The following PPIG variants were observed in gnomAD, a reference collection of about 807,000 sequenced individuals.
PPIG encodes the protein peptidyl-prolyl cis-trans isomerase G.
A neutral mutation model predicts 87.9 loss-of-function variants in PPIG; 26 were observed. The observed-to-expected ratio is 0.30, with a 90% confidence interval of 0.22 to 0.41. The LOEUF (loss-of-function observed/expected upper bound fraction) is 0.41. Ranked by LOEUF, PPIG falls within the 10% of genes least tolerant of loss-of-function variation. The pLI, the probability that PPIG is intolerant of heterozygous loss-of-function variation, is 1.00. For missense variants in PPIG, 722 were observed against 879.4 expected, an observed-to-expected ratio of 0.82 and a Z score of 2.26; for synonymous variants, 308 against 276.5, an observed-to-expected ratio of 1.11 and a Z score of -1.13.
intron 1 of PPIG, among the ~76,000 whole-genome samples, chr2:169,599,463 T>C (rs1022363970): frequency 6.6e-6 from 1 of 152,122 alleles, no homozygotes; most frequent in Non-Finnish European, 1.5e-5. Context: ...CTTACTGTTA[T>C]TTAAAAAAAA....
intron 12 of PPIG, among the ~76,000 whole-genome samples, chr2:169,634,075 C>T (rs948867345): frequency 2.0e-5 from 3 of 151,910 alleles, no homozygotes; most frequent in Non-Finnish European, 4.4e-5. Context: ...GGTGATCCAC[C>T]TGCCTGAGAC....
intron 9 of PPIG, among the ~76,000 whole-genome samples, chr2:169,622,886 G>C (rs1053406240): frequency 1.3e-5 from 2 of 152,058 alleles, no homozygotes; most frequent in Non-Finnish European, 2.9e-5. Flanking sequence ...TAACACTGTG[G>C]TATTTATCAT....
At chr2:169,588,982 A>C (rs1306360624) in intron 1 of PPIG, among the ~76,000 whole-genome samples, 2 of 143,664 alleles carry the variant, frequency 1.4e-5, no homozygotes, top group Non-Finnish European at 3.1e-5. Flanking sequence ...AAAAAAAAAA[A>C]ACCTTAGATA....
chr2:169,606,363 G>A (rs749976099), intron 5 of PPIG, among the ~76,000 whole-genome samples: 3 of 152,016 alleles, frequency 2.0e-5, no homozygotes, highest in East Asian at 1.9e-4. Flanking sequence ...GGAGGCCGAG[G>A]TGGGCGGATC....
In PPIG at chr2:169,631,683, G is replaced by T. The variant is rs1288733822; in HGVS notation, c.762-83G>T. 3.8e-6 allele frequency: 6 copies of T among 1,593,768 alleles called. No homozygotes were observed. The East Asian group carries it at 1.1e-4, about 30-fold the overall frequency. On this transcript the variant is annotated intron_variant, in intron 10 of 13. Coordinates refer to ENST00000260970, the MANE Select transcript of PPIG (RefSeq NM_004792.3). ...GATGTTTATATTATAGTGATATAAA[G>T]GAAAGAAATACCAACAATTGGATAC...
At chr2:169,611,124 A>C (rs1685477225) in intron 7 of PPIG, among the ~76,000 whole-genome samples, 1 of 152,180 alleles carries the variant, frequency 6.6e-6, no homozygotes. Context: ...AGGAAGGTGG[A>C]GGTTGCAGTG....
rs1328581777 is a variant in PPIG at position 169,638,805 on chromosome 2, G to T, written c.*1282G>T. The T allele has an allele frequency of 6.6e-6, 1 of 151,882 alleles. No homozygotes were observed. Among genetic ancestry groups the T allele is most frequent in the Non-Finnish European group, 1.5e-5 (1 of 67,866 alleles). The allele number at this position is 151,882 out of a possible 1,614,324, so 9.4% of individuals were successfully genotyped here. A position where few individuals can be genotyped will look rare whatever the true frequency, so the allele number is the denominator to read the frequency against. On this transcript the variant is annotated 3_prime_UTR_variant, in exon 14 of 14. Coordinates refer to ENST00000260970, the MANE Select transcript of PPIG (RefSeq NM_004792.3). ...TATTTTGCCATTTTTGTGATGTGTG[G>T]CCTTTTATTCTGTAATCTCTTCTAA... is the stretch of plus-strand genomic sequence containing the variant.
chr2:169,607,864 C>T (rs753973789), intron 6 of PPIG, among the ~76,000 whole-genome samples: 6 of 151,876 alleles, frequency 4.0e-5, no homozygotes, highest in Non-Finnish European at 8.8e-5. Flanking sequence ...CTGTCTCACT[C>T]TTTTTTTTAA....
Position 169,600,687 on chromosome 2 carries a change from GA to G in PPIG, c.-69-2948del, listed in dbSNP as rs1000331117. Among the ~76,000 whole-genome samples, 43 of 151,432 alleles carry G rather than the reference GA, an allele frequency of 2.8e-4. 1 individual carries two copies. Among genetic ancestry groups the G allele is most frequent in the African/African-American group, 7.3e-4 (30 of 41,014 alleles). On this transcript the variant is annotated intron_variant, in intron 1 of 13. Coordinates refer to ENST00000260970, the MANE Select transcript of PPIG (RefSeq NM_004792.3). ...AAACAAAAACAAAAATAAGAAAAAA[GA>G]AAAAAATATATAATTGAAGATTTAA...
intron 9 of PPIG, among the ~76,000 whole-genome samples, chr2:169,628,995 A>C (rs915831673): frequency 6.6e-6 from 1 of 151,052 alleles, no homozygotes; most frequent in African/African-American, 2.4e-5. Flanking sequence ...CCAAATACCA[A>C]ATCTTCAGAT....
chr2:169,597,537 C>A (rs1323976173), intron 1 of PPIG, among the ~76,000 whole-genome samples: 1 of 147,196 alleles, frequency 6.8e-6, no homozygotes, highest in Non-Finnish European at 1.5e-5. Context: ...CTCACTCTGT[C>A]ACCCAGGCTG....
intron 4 of PPIG, 66 bp downstream of exon 4, chr2:169,604,327 G>GT (rs71006008): frequency 0.037 from 12,638 of 343,788 alleles, 189 homozygotes; most frequent in South Asian, 0.062. Flanking sequence ...TGCTTGCTTG[G>GT]TTTTTTTTTT....
rs149243232 is a variant in PPIG at position 169,591,026 on chromosome 2, C to T, written c.-70+6536C>T. ...TGTCTCTAAAAATAGAAATAATTTA[C>T]TTTGTATTTTTTCTAGATTAGAAAC... On this transcript the variant is annotated intron_variant, in intron 1 of 13. Coordinates refer to ENST00000260970, the MANE Select transcript of PPIG (RefSeq NM_004792.3). Among the ~76,000 whole-genome samples, 448 of 152,210 alleles carry T rather than the reference C, an allele frequency of 2.9e-3. 10 individuals carry two copies. The highest frequency in any genetic ancestry group is 0.026 in the Admixed American group (390 of 15,286).
intron 1 of PPIG, among the ~76,000 whole-genome samples, chr2:169,587,331 T>G (rs1684731509): frequency 6.6e-6 from 1 of 151,598 alleles, no homozygotes; most frequent in South Asian, 2.1e-4. Context: ...AACCTCCGCC[T>G]CCCGGGTTCA....
At chr2:169,608,158 G>A (rs1418961350) in intron 6 of PPIG, among the ~76,000 whole-genome samples, 1 of 152,170 alleles carries the variant, frequency 6.6e-6, no homozygotes, top group Non-Finnish European at 1.5e-5. Flanking sequence ...GGTTTTATAA[G>A]CAAATAATAG....
intron 9 of PPIG, among the ~76,000 whole-genome samples, chr2:169,628,939 C>CA (rs71006010): frequency 0.012 from 1,120 of 92,024 alleles, 114 homozygotes; most frequent in Non-Finnish European, 0.014. Context: ...ACCCTGTCTC[C>CA]AAAAAAAAAA....
chr2:169,634,749 A>G (rs919297021), intron 12 of PPIG, among the ~76,000 whole-genome samples: 2 of 151,596 alleles, frequency 1.3e-5, no homozygotes, highest in Non-Finnish European at 2.9e-5. Flanking sequence ...TCTGCCTCCT[A>G]AATATTCAGA....
At chr2:169,596,658 T>C (rs1170310230) in intron 1 of PPIG, among the ~76,000 whole-genome samples, 1 of 152,126 alleles carries the variant, frequency 6.6e-6, no homozygotes, top group Non-Finnish European at 1.5e-5. Context: ...CCCCCAACAG[T>C]GTCTGCCTTT....
chr2:169,619,918 TTAAATC>T (rs1685698240), intron 9 of PPIG, among the ~76,000 whole-genome samples: 1 of 152,122 alleles, frequency 6.6e-6, no homozygotes, highest in Non-Finnish European at 1.5e-5. Flanking sequence ...TTTCCCATTT[TTAAATC>T]AGGTTGTTTT....
Sources: gnomAD v4.1 joint callset for allele counts (sites outside exome capture counted in the v4.1 genomes callset) on GRCh38, gnomAD v4.1.1 for gene constraint, MANE v1.5 for transcripts, NCBI Gene and HGNC (gene_info 2026-07-23, HGNC 2026-07-21) for gene names.